The following MBNL1 variants were observed in gnomAD, a reference collection of about 807,000 sequenced individuals.
The protein encoded by MBNL1 is muscleblind like splicing regulator 1.
In MBNL1, 8 loss-of-function variants were observed where a neutral mutation model predicts 42.2. The ratio of observed to expected loss-of-function variants is 0.19; its 90% confidence interval spans 0.11 to 0.34. The LOEUF is 0.34. MBNL1 is among the 10% of genes least tolerant of loss of function. The pLI is 1.00. For synonymous variants in MBNL1, 169 were observed against 173.9 expected (o/e 0.97, Z 0.22); for missense variants, 309 against 495.3 (o/e 0.62, Z 3.57).
At chr3:152,398,108 A>C (rs1024169637) in intron 2 of MBNL1, among the ~76,000 whole-genome samples, 36 of 152,198 alleles carry the variant, frequency 2.4e-4, no homozygotes, top group Non-Finnish European at 1.3e-4. Flanking sequence ...TTAAAAATGA[A>C]ATTTGAAATT....
intron 2 of MBNL1, among the ~76,000 whole-genome samples, chr3:152,308,018 T>C (rs2064160164): frequency 6.6e-6 from 1 of 152,200 alleles, no homozygotes; most frequent in South Asian, 2.1e-4. Flanking sequence ...AGATAACTAG[T>C]CACTGTATAA....
intron 2 of MBNL1, among the ~76,000 whole-genome samples, chr3:152,392,565 C>T (rs899859346): frequency 1.5e-4 from 23 of 152,178 alleles, no homozygotes; most frequent in African/African-American, 5.5e-4. Flanking sequence ...TAAAACAAAA[C>T]ATTCAAAGCC....
intron 4 of MBNL1, among the ~76,000 whole-genome samples, chr3:152,435,812 A>T (rs534775699): frequency 6.6e-5 from 10 of 152,240 alleles, no homozygotes; most frequent in Admixed American, 5.9e-4. Flanking sequence ...GCAATTGTGA[A>T]TGGGAATGCA....
At chr3:152,397,319 C>A (rs192433845) in intron 2 of MBNL1, among the ~76,000 whole-genome samples, 1 of 152,244 alleles carries the variant, frequency 6.6e-6, no homozygotes, top group Non-Finnish European at 1.5e-5. Context: ...CAACCCGTCA[C>A]CTACATTAGG....
At chr3:152,253,214 T>G (rs1314692922) in intron 2 of MBNL1, among the ~76,000 whole-genome samples, 1 of 152,098 alleles carries the variant, frequency 6.6e-6, no homozygotes, top group Non-Finnish European at 1.5e-5. Context: ...CTCTGTCTGC[T>G]CCATCACCAG....
chr3:152,320,316 C>G lies in MBNL1; in HGVS notation c.174+19949C>G, dbSNP rs73009914. 3.7e-3 allele frequency among the ~76,000 whole-genome samples: 558 copies of G among 152,250 alleles called. 4 individuals are homozygous for G. The highest frequency in any genetic ancestry group is 0.013 in the African/African-American group (537 of 41,542). ...CCAGCATCCTTCATTTGTGATAGGA[C>G]TCATCCAGTTAAATTGCTCAGGCAC... On this transcript the variant is annotated intron_variant, in intron 2 of 9. Transcript: ENST00000324210.
chr3:152,330,014 AC>A, intron 2 of MBNL1, among the ~76,000 whole-genome samples: 1 of 151,976 alleles, frequency 6.6e-6, no homozygotes, highest in East Asian at 1.9e-4. Context: ...AAGATAGTAA[AC>A]ATTGTGTGTA....
chr3:152,314,376 C>CTTT (rs766855642), intron 2 of MBNL1, among the ~76,000 whole-genome samples: 1 of 138,752 alleles, frequency 7.2e-6, no homozygotes. Flanking sequence ...TGCTCCAAGA[C>CTTT]TTTTTTTTTT....
At chr3:152,249,961 C>G (rs1426301358) in intron 2 of MBNL1, among the ~76,000 whole-genome samples, 1 of 147,030 alleles carries the variant, frequency 6.8e-6, no homozygotes, top group African/African-American at 2.5e-5. Flanking sequence ...GGGCTCTGTT[C>G]TGTTCCATTG....
At chr3:152,348,824 G>A (rs750442562) in intron 2 of MBNL1, among the ~76,000 whole-genome samples, 2 of 152,072 alleles carry the variant, frequency 1.3e-5, no homozygotes, top group Non-Finnish European at 2.9e-5. Context: ...GCCGGCAGCA[G>A]CAATTGCAGC....
intron 2 of MBNL1, chr3:152,341,132 T>C: frequency 2.1e-6 from 1 of 466,056 alleles, no homozygotes; most frequent in Non-Finnish European, 3.6e-6. Flanking sequence ...TGCATTAAAA[T>C]GGGTAATTCT....
chr3:152,427,004 T>G (rs956079158), intron 3 of MBNL1, among the ~76,000 whole-genome samples: 4 of 152,246 alleles, frequency 2.6e-5, no homozygotes, highest in African/African-American at 9.6e-5. Context: ...GTTTTTTGGT[T>G]CTTTACTTTC....
chr3:152,281,727 GC>G (rs2048593880), intron 1 of MBNL1, among the ~76,000 whole-genome samples: 1 of 152,148 alleles, frequency 6.6e-6, no homozygotes. Flanking sequence ...AGTGCCTTGA[GC>G]CCCAAAAGAG....
chr3:152,306,157 A>G (rs2063021396), intron 2 of MBNL1, among the ~76,000 whole-genome samples: 1 of 152,114 alleles, frequency 6.6e-6, no homozygotes, highest in Non-Finnish European at 1.5e-5. Context: ...CTTTAGAACT[A>G]TTGGTTCCGA....
At chr3:152,443,187 C>A (rs2099166664) in intron 4 of MBNL1, among the ~76,000 whole-genome samples, 1 of 148,266 alleles carries the variant, frequency 6.7e-6, no homozygotes, top group Admixed American at 6.7e-5. Context: ...GAAACCCCCC[C>A]CCCCACACAC....
chr3:152,314,909 G>T (rs1304251767), intron 2 of MBNL1, among the ~76,000 whole-genome samples: 1 of 152,084 alleles, frequency 6.6e-6, no homozygotes, highest in African/African-American at 2.4e-5. Context: ...CTAATTCTGG[G>T]TATGAGTTAT....
chr3:152,418,866 G>GC (rs2098750166), intron 3 of MBNL1, among the ~76,000 whole-genome samples: 1 of 151,772 alleles, frequency 6.6e-6, no homozygotes, highest in Non-Finnish European at 1.5e-5. Context: ...ACAGGCGCCC[G>GC]CCCCCGTGCC....
intron 3 of MBNL1, among the ~76,000 whole-genome samples, chr3:152,428,755 A>G (rs1580283446): frequency 6.6e-6 from 1 of 152,316 alleles, no homozygotes; most frequent in Middle Eastern, 3.4e-3. Flanking sequence ...TCACGGTTTA[A>G]AAGTCCTCCG....
chr3:152,300,073 A>C lies in MBNL1; in HGVS notation c.-121A>C. On this transcript the variant is annotated 5_prime_UTR_variant, in exon 2 of 10. Coordinates refer to ENST00000324210, the MANE Select transcript of MBNL1 (RefSeq NM_021038.5). ...ACTTTTAAAGCAGGGAGTGGGGAAA[A>C]GTATTTTGAGGGGACATTTTCATCA... 1.7e-6 allele frequency: 1 copy of C among 579,578 alleles called. No individual in the cohort carries two copies. The highest frequency in any genetic ancestry group is 3.0e-6 in the Non-Finnish European group (1 of 333,026). The allele number at this position is 579,578 out of a possible 1,614,324, so 35.9% of individuals were successfully genotyped here.
Sources: allele counts gnomAD v4.1 joint callset (sites outside exome capture counted in the v4.1 genomes callset), GRCh38; gene constraint gnomAD v4.1.1; transcripts MANE v1.5; gene names NCBI Gene and HGNC (gene_info 2026-07-23, HGNC 2026-07-21).